The following CXCL13 variants were observed in gnomAD, a reference collection of about 807,000 sequenced individuals.
CXCL13 encodes C-X-C motif chemokine 13.
A neutral mutation model predicts 12.2 loss-of-function variants in CXCL13; 7 were observed. That is an observed-to-expected ratio of 0.57 (90% confidence interval 0.33 to 1.07). CXCL13 has a LOEUF of 1.07. CXCL13 is among the 50% of genes least tolerant of loss of function. CXCL13 has a pLI of 0.04. For missense variants in CXCL13, 113 were observed against 127.4 expected, an observed-to-expected ratio of 0.89 and a Z score of 0.55; for synonymous variants, 47 against 42.4, an observed-to-expected ratio of 1.11 and a Z score of -0.42.
At chr4:77,519,309 G>GTTCT (rs1245667792) in intron 1 of CXCL13, among the ~76,000 whole-genome samples, 7 of 152,154 alleles carry the variant, frequency 4.6e-5, no homozygotes, top group African/African-American at 1.7e-4. Flanking sequence ...GAGAACCACT[G>GTTCT]TTCTCTTCAA....
At chr4:77,521,971 A>T (rs1467507262) in intron 1 of CXCL13, among the ~76,000 whole-genome samples, 4 of 152,114 alleles carry the variant, frequency 2.6e-5, no homozygotes, top group Admixed American at 1.3e-4. Flanking sequence ...TTATTTACCC[A>T]GTAGTCATTC....
At chr4:77,516,180 C>A (rs994973058) in intron 1 of CXCL13, among the ~76,000 whole-genome samples, 6 of 152,276 alleles carry the variant, frequency 3.9e-5, no homozygotes, top group South Asian at 2.1e-4. Context: ...GGTGGATAAG[C>A]TTTTTGATGT....
intron 1 of CXCL13, among the ~76,000 whole-genome samples, chr4:77,531,321 G>C (rs1178863087): frequency 8.1e-6 from 1 of 123,360 alleles, no homozygotes; most frequent in Non-Finnish European, 1.6e-5. Flanking sequence ...TCCCCTTCCT[G>C]TGTCCATGTG....
intron 1 of CXCL13, among the ~76,000 whole-genome samples, chr4:77,567,501 A>T (rs1255825516): frequency 6.6e-6 from 1 of 152,234 alleles, no homozygotes; most frequent in Non-Finnish European, 1.5e-5. Flanking sequence ...TGTTGCCCCT[A>T]CGTGAGGAAC....
chr4:77,572,057 G>A (rs371130894), intron 1 of CXCL13, among the ~76,000 whole-genome samples: 4 of 151,836 alleles, frequency 2.6e-5, no homozygotes, highest in South Asian at 2.1e-4. Context: ...GACTCCAGAC[G>A]CGCCACATTA....
intron 1 of CXCL13, among the ~76,000 whole-genome samples, chr4:77,547,425 G>A (rs558619146): frequency 3.4e-4 from 52 of 152,298 alleles, no homozygotes; most frequent in African/African-American, 9.6e-4. Flanking sequence ...TGTATTGGGT[G>A]CATATATATA....
upstream of CXCL13, among the ~76,000 whole-genome samples, chr4:77,604,770 C>T (rs1390740247): frequency 6.6e-6 from 1 of 152,130 alleles, no homozygotes; most frequent in Non-Finnish European, 1.5e-5. Flanking sequence ...GGATGCTAAA[C>T]ATCCACAATG....
intron 1 of CXCL13, among the ~76,000 whole-genome samples, chr4:77,553,521 C>T (rs1725583272): frequency 6.6e-6 from 1 of 152,222 alleles, no homozygotes; most frequent in Non-Finnish European, 1.5e-5. Context: ...AAACAAAGTG[C>T]TCTCCCTTGG....
At position 77,532,275 on chromosome 4, in the gene CXCL13, G is replaced by A. The variant is rs190292379; in HGVS notation, c.-43+20487G>A. Among the ~76,000 whole-genome samples the A allele has an allele frequency of 4.4e-3, 665 of 152,280 alleles. 7 individuals carry two copies. The highest frequency in any genetic ancestry group is 0.015 in the African/African-American group (626 of 41,556). ...AAAATCTCTCAGCATTTGCTTGTCT[G>A]TAAAGTATTTTATTTCTCCTTCACT... On this transcript the variant is annotated intron_variant, in intron 1 of 4. Coordinates refer to the CXCL13 transcript ENST00000286758.
At chr4:77,590,823 A>G (rs1254959194) in intron 1 of CXCL13, among the ~76,000 whole-genome samples, 2 of 152,202 alleles carry the variant, frequency 1.3e-5, no homozygotes, top group East Asian at 3.9e-4. Context: ...GGCATGTTAA[A>G]TGCTATTTTA....
chr4:77,561,877 G>T (rs907234625), intron 1 of CXCL13, among the ~76,000 whole-genome samples: 1 of 152,228 alleles, frequency 6.6e-6, no homozygotes, highest in African/African-American at 2.4e-5. Flanking sequence ...TGCTTGTGGG[G>T]TGATGTGGAG....
At chr4:77,532,062 G>A (rs1180405563) in intron 1 of CXCL13, among the ~76,000 whole-genome samples, 1 of 152,094 alleles carries the variant, frequency 6.6e-6, no homozygotes, top group South Asian at 2.1e-4. Context: ...GGTTAATATT[G>A]TTATGTGTGA....
At chr4:77,577,356 C>A (rs1037954412) in intron 1 of CXCL13, among the ~76,000 whole-genome samples, 1 of 151,974 alleles carries the variant, frequency 6.6e-6, no homozygotes, top group Non-Finnish European at 1.5e-5. Flanking sequence ...TTCATCCAAC[C>A]CCCACCAAGA....
rs575912980 is a variant in CXCL13, at chr4:77,611,160, C to G, written c.*121C>G. ...CTTCCCCATACAAATAAGCATGAGA[C>G]TATGTAAAAATAACCTTGCAGAAGC... On this transcript the variant is annotated 3_prime_UTR_variant, in exon 4 of 4. Transcript: ENST00000682537. 2.5e-5 allele frequency: 21 copies of G among 840,808 alleles called. No individual in the cohort carries two copies. The Admixed American group carries it at 4.8e-4, about 19-fold the overall frequency. The allele number at this position is 840,808 out of a possible 1,614,324, so 52.1% of individuals were successfully genotyped here. A position where few individuals can be genotyped will look rare whatever the true frequency, so the allele number is the denominator to read the frequency against.
chr4:77,551,739 G>T (rs1405314282), intron 1 of CXCL13, among the ~76,000 whole-genome samples: 1 of 151,948 alleles, frequency 6.6e-6, no homozygotes, highest in African/African-American at 2.4e-5. Flanking sequence ...CATAAGCTTG[G>T]TTGCTATACA....
chr4:77,543,921 CG>C (rs1003295420), intron 1 of CXCL13, among the ~76,000 whole-genome samples: 1 of 152,066 alleles, frequency 6.6e-6, no homozygotes, highest in African/African-American at 2.4e-5. Flanking sequence ...TGACAGGTCC[CG>C]GTGTGTGATG....
chr4:77,558,540 A>G (rs767334777), intron 1 of CXCL13, among the ~76,000 whole-genome samples: 4 of 152,164 alleles, frequency 2.6e-5, no homozygotes, highest in Non-Finnish European at 5.9e-5. Flanking sequence ...TTTAGTAGAG[A>G]TGAGGTTTCA....
chr4:77,546,180 G>A (rs1463226391), intron 1 of CXCL13, among the ~76,000 whole-genome samples: 2 of 152,142 alleles, frequency 1.3e-5, no homozygotes, highest in Non-Finnish European at 2.9e-5. Context: ...TTGCATCAAT[G>A]TTCATCACTG....
chr4:77,563,332 G>T (rs578117871), intron 1 of CXCL13, among the ~76,000 whole-genome samples: 1 of 152,198 alleles, frequency 6.6e-6, no homozygotes, highest in African/African-American at 2.4e-5. Flanking sequence ...TGGCGCTCAG[G>T]TGAGATAATT....
Sources: allele counts gnomAD v4.1 joint callset (sites outside exome capture counted in the v4.1 genomes callset), GRCh38; gene constraint gnomAD v4.1.1; transcripts MANE v1.5; gene names NCBI Gene and HGNC (gene_info 2026-07-23, HGNC 2026-07-21).